The following TRMT11 variants were observed in gnomAD, a reference collection of about 807,000 sequenced individuals.
TRMT11 encodes tRNA (guanine(10)-N(2))-methyltransferase TRMT11.
TRMT11 carries 53 observed loss-of-function variants against 62.8 expected under a neutral mutation model. The observed-to-expected ratio is 0.84, with a 90% CI of 0.68 to 1.06. The LOEUF (loss-of-function observed/expected upper bound fraction) is 1.06, where lower values mean the gene tolerates loss of function less well. Among genes scored for constraint, TRMT11 ranks in the 50% least tolerant of loss-of-function variants. TRMT11 has a pLI of 0.00. For synonymous variants in TRMT11, 188 were observed against 190.3 expected (o/e 0.99, Z 0.10); for missense variants, 556 against 553.4 (o/e 1.00, Z -0.05).
intron 1 of TRMT11, chr6:126,177,416 C>T (rs1778399074): frequency 6.6e-6 from 1 of 152,102 alleles, no homozygotes; most frequent in Admixed American, 6.6e-5. Context: ...TTTGCTATCC[C>T]CAACTCTCGA....
chr6:126,192,747 T>C (rs1778617946), intron 1 of TRMT11, among the ~76,000 whole-genome samples: 1 of 152,228 alleles, frequency 6.6e-6, no homozygotes. Context: ...ATCATGTTTA[T>C]TGATTTGATT....
chr6:126,229,048 AC>A, the TRMT11 span, among the ~76,000 whole-genome samples: 4 of 152,182 alleles, frequency 2.6e-5, no homozygotes, highest in African/African-American at 9.7e-5. Flanking sequence ...TAAATTAGAT[AC>A]TCATGTTTTA....
In TRMT11 at chr6:126,118,662, G is replaced by A. The variant is rs966237284; in HGVS notation, c.*1823+2807G>A. Among the ~76,000 whole-genome samples, 5 of 151,760 alleles carry A rather than the reference G, an allele frequency of 3.3e-5. No homozygotes were observed. The East Asian group carries it at 9.7e-4, about 29-fold the overall frequency. On this transcript the variant is annotated intron_variant and NMD_transcript_variant, in intron 21 of 22. Transcript: ENST00000648977. ...AATATATGACTCAACAATTACATTC[G>A]GCTTGAATGGATTTTTTTCTGACAT...
At chr6:125,996,794 A>G (rs548995349) in intron 3 of TRMT11, among the ~76,000 whole-genome samples, 11 of 152,332 alleles carry the variant, frequency 7.2e-5, no homozygotes, top group Admixed American at 4.6e-4. Context: ...GAATTTACAT[A>G]TATCTAGTTT....
chr6:126,130,628 A>G (rs1777771426), intron 21 of TRMT11, among the ~76,000 whole-genome samples: 1 of 152,070 alleles, frequency 6.6e-6, no homozygotes, highest in African/African-American at 2.4e-5. Context: ...AAAGTGGTAC[A>G]CAATTTTCCA....
At chr6:126,107,632 A>T (rs2128184701) in intron 17 of TRMT11, among the ~76,000 whole-genome samples, 1 of 152,242 alleles carries the variant, frequency 6.6e-6, no homozygotes, top group African/African-American at 2.4e-5. Flanking sequence ...GGGACCATTT[A>T]AAAAGGCTGA....
intron 11 of TRMT11, among the ~76,000 whole-genome samples, chr6:126,015,510 G>A (rs1417374832): frequency 1.3e-5 from 2 of 152,094 alleles, no homozygotes; most frequent in Non-Finnish European, 2.9e-5. Context: ...GAGCCACTGC[G>A]CCCAGCCTAT....
At chr6:126,021,515 A>G (rs1354644897) in intron 12 of TRMT11, among the ~76,000 whole-genome samples, 1 of 152,168 alleles carries the variant, frequency 6.6e-6, no homozygotes, top group African/African-American at 2.4e-5. Context: ...GTTGACCCTC[A>G]CTTCTCAGGC....
intron 21 of TRMT11, among the ~76,000 whole-genome samples, chr6:126,143,830 T>C (rs1292353532): frequency 6.6e-6 from 1 of 152,176 alleles, no homozygotes; most frequent in East Asian, 1.9e-4. Flanking sequence ...GCATCTGTTA[T>C]AATGCTTAGA....
the TRMT11 span, among the ~76,000 whole-genome samples, chr6:126,209,831 A>C: frequency 3.2e-3 from 489 of 152,352 alleles, 3 homozygotes; most frequent in Non-Finnish European, 6.0e-3. Context: ...TTATGAAAAC[A>C]TTAAAAATAA....
intron 21 of TRMT11, among the ~76,000 whole-genome samples, chr6:126,134,936 C>T (rs898098983): frequency 2.3e-4 from 35 of 151,572 alleles, no homozygotes; most frequent in Admixed American, 1.9e-3. Flanking sequence ...TAAAAAATTT[C>T]GAGAATCAAA....
chr6:126,143,792 A>G (rs886858006), intron 21 of TRMT11, among the ~76,000 whole-genome samples: 2 of 152,188 alleles, frequency 1.3e-5, no homozygotes, highest in Admixed American at 6.6e-5. Flanking sequence ...GCTTGGCTGC[A>G]TACATAAGCT....
intron 3 of TRMT11, 60 bp from the exon 4 acceptor site, chr6:125,997,989 CTGTA>C: frequency 9.0e-7 from 1 of 1,112,798 alleles, no homozygotes. Context: ...AGTAAAATGA[CTGTA>C]TGTATTCCTG....
chr6:126,122,784 CA>C (rs1777665401), intron 21 of TRMT11, among the ~76,000 whole-genome samples: 1 of 152,116 alleles, frequency 6.6e-6, no homozygotes, highest in Non-Finnish European at 1.5e-5. Context: ...CTCATGTATA[CA>C]CATTAGATAA....
chr6:126,089,574 A>T (rs1332366231), intron 17 of TRMT11, among the ~76,000 whole-genome samples: 1 of 152,218 alleles, frequency 6.6e-6, no homozygotes, highest in African/African-American at 2.4e-5. Context: ...CGGTCTGTTC[A>T]GTTGCAAAGT....
intron 1 of TRMT11, 31 bp downstream of exon 1, chr6:125,986,653 A>T: frequency 6.4e-7 from 1 of 1,555,834 alleles, no homozygotes; most frequent in Non-Finnish European, 8.7e-7. Flanking sequence ...GGAACTTCCG[A>T]CGGAAGAGGA....
chr6:126,000,176 A>G (rs573964933), intron 7 of TRMT11, among the ~76,000 whole-genome samples: 41 of 152,266 alleles, frequency 2.7e-4, no homozygotes, highest in African/African-American at 7.9e-4. Flanking sequence ...TTTTTTGTGC[A>G]TATGATTGGG....
chr6:126,062,702 A>G (rs906040555), intron 17 of TRMT11, among the ~76,000 whole-genome samples: 5 of 149,654 alleles, frequency 3.3e-5, no homozygotes, highest in African/African-American at 1.3e-4. Context: ...ATTACTTGAC[A>G]GGTTTTTAGT....
At chr6:126,046,121 C>T (rs946888206) in intron 16 of TRMT11, among the ~76,000 whole-genome samples, 1 of 152,038 alleles carries the variant, frequency 6.6e-6, no homozygotes, top group Non-Finnish European at 1.5e-5. Flanking sequence ...TTGGAGTTGG[C>T]CCCCCAACCT....
Sources: allele counts gnomAD v4.1 joint callset (sites outside exome capture counted in the v4.1 genomes callset), GRCh38; gene constraint gnomAD v4.1.1; transcripts MANE v1.5; gene names NCBI Gene and HGNC (gene_info 2026-07-23, HGNC 2026-07-21).